Variants in ATRNL1 observed in about 807,000 individuals in gnomAD.
ATRNL1 encodes attractin like 1, also known as attractin-like protein 1.
ATRNL1 carries 95 observed loss-of-function variants against 182.7 expected under a neutral mutation model. That is an observed-to-expected ratio of 0.52 (90% CI 0.44 to 0.62). The LOEUF (loss-of-function observed/expected upper bound fraction) is 0.62, where lower values mean the gene tolerates loss of function less well. Among genes scored for constraint, ATRNL1 ranks in the 20% least tolerant of loss-of-function variants. The probability of loss-of-function intolerance (pLI) is 0.00; values close to 1 mark genes in which losing one functional copy is unlikely to be tolerated. For missense variants in ATRNL1, 1,471 were observed against 1,679.5 expected, an observed-to-expected ratio of 0.88 and a Z score of 2.17; for synonymous variants, 576 against 568.3, an observed-to-expected ratio of 1.01 and a Z score of -0.19.
intron 8 of ATRNL1, among the ~76,000 whole-genome samples, chr10:115,176,802 T>A (rs1554886785): frequency 2.0e-5 from 3 of 152,146 alleles, no homozygotes; most frequent in African/African-American, 4.8e-5. Flanking sequence ...AGGTACTCTT[T>A]TTTTAAAAAA....
At chr10:115,352,078 CCA>C (rs1856284812) in intron 19 of ATRNL1, among the ~76,000 whole-genome samples, 1 of 151,848 alleles carries the variant, frequency 6.6e-6, no homozygotes, top group Admixed American at 6.6e-5. Context: ...TACTTGTCTC[CCA>C]GGCTTTACAA....
intron 27 of ATRNL1, among the ~76,000 whole-genome samples, chr10:115,801,488 C>T (rs1949791360): frequency 6.6e-6 from 1 of 152,086 alleles, no homozygotes; most frequent in African/African-American, 2.4e-5. Context: ...CCTTTATTTG[C>T]AATAAAAATA....
intron 13 of ATRNL1, among the ~76,000 whole-genome samples, chr10:115,271,953 G>T (rs782575894): frequency 6.6e-6 from 1 of 152,138 alleles, no homozygotes; most frequent in Non-Finnish European, 1.5e-5. Flanking sequence ...TGGGCCACCC[G>T]CTTGTTGATA....
At chr10:115,105,802 G>T (rs984093255) in intron 1 of ATRNL1, among the ~76,000 whole-genome samples, 1 of 152,210 alleles carries the variant, frequency 6.6e-6, no homozygotes, top group Non-Finnish European at 1.5e-5. Context: ...GGGAACCTCT[G>T]TCTGCATTTC....
chr10:115,680,834 C>G (rs1344626267), intron 26 of ATRNL1, among the ~76,000 whole-genome samples: 2 of 152,026 alleles, frequency 1.3e-5, no homozygotes, highest in African/African-American at 4.8e-5. Context: ...TGAAGTGTAT[C>G]CTTGAGCTTT....
intron 26 of ATRNL1, among the ~76,000 whole-genome samples, chr10:115,559,437 TGTGTGTGC>T (rs1182690380): frequency 1.9e-5 from 2 of 107,880 alleles, no homozygotes; most frequent in African/African-American, 6.9e-5. Context: ...TGTGTGTGTG[TGTGTGTGC>T]GCGCGCGCAC....
At chr10:115,908,640 G>A (rs544097881) in intron 28 of ATRNL1, among the ~76,000 whole-genome samples, 1 of 152,212 alleles carries the variant, frequency 6.6e-6, no homozygotes, top group East Asian at 1.9e-4. Context: ...CATCCTTGAG[G>A]GGCCATTATT....
chr10:115,790,889 G>T (rs1349428254), intron 27 of ATRNL1, among the ~76,000 whole-genome samples: 1 of 152,094 alleles, frequency 6.6e-6, no homozygotes, highest in African/African-American at 2.4e-5. Flanking sequence ...ATGTTCGGGG[G>T]TTTTTAAATG....
At chr10:115,530,890 G>C in intron 25 of ATRNL1, among the ~76,000 whole-genome samples, 1 of 148,292 alleles carries the variant, frequency 6.7e-6, no homozygotes, top group Non-Finnish European at 1.5e-5. Flanking sequence ...TTGGTTTTTT[G>C]TCCTTGCGAT....
chr10:115,744,259 T>C (rs965518818), intron 27 of ATRNL1, among the ~76,000 whole-genome samples: 1 of 152,148 alleles, frequency 6.6e-6, no homozygotes, highest in Non-Finnish European at 1.5e-5. Context: ...TTATTAAAAG[T>C]ACATTAAATT....
intron 27 of ATRNL1, among the ~76,000 whole-genome samples, chr10:115,772,466 T>A (rs1949015550): frequency 6.6e-6 from 1 of 152,022 alleles, no homozygotes; most frequent in African/African-American, 2.4e-5. Flanking sequence ...AGCTCAAAAA[T>A]GAAAAAGATT....
chr10:115,936,010 C>G (rs147076077), intron 28 of ATRNL1, among the ~76,000 whole-genome samples: 28 of 152,280 alleles, frequency 1.8e-4, no homozygotes, highest in Non-Finnish European at 2.8e-4. Context: ...TGATGTTGCT[C>G]TAAATTGACA....
chr10:115,632,746 G>A (rs984279785), intron 26 of ATRNL1, among the ~76,000 whole-genome samples: 5 of 152,048 alleles, frequency 3.3e-5, no homozygotes, highest in African/African-American at 4.8e-5. Flanking sequence ...AGAGACTGGT[G>A]AGATTATCAC....
At chr10:115,847,516 A>G (rs1015629008) in intron 27 of ATRNL1, among the ~76,000 whole-genome samples, 3 of 152,166 alleles carry the variant, frequency 2.0e-5, no homozygotes, top group Non-Finnish European at 4.4e-5. Context: ...CCCTATAGAC[A>G]GTAAAAATAA....
chr10:115,402,259 A>G (rs1360548745), intron 20 of ATRNL1, among the ~76,000 whole-genome samples: 2 of 152,170 alleles, frequency 1.3e-5, no homozygotes, highest in African/African-American at 2.4e-5. Flanking sequence ...TTTTTCACCT[A>G]CTTAAACATC....
At chr10:115,431,976 T>C (rs1442690976) in intron 21 of ATRNL1, among the ~76,000 whole-genome samples, 1 of 152,138 alleles carries the variant, frequency 6.6e-6, no homozygotes, top group Non-Finnish European at 1.5e-5. Flanking sequence ...TGTTTAACCC[T>C]TTTATAAAAA....
chr10:115,500,987 G>T (rs1849805361), intron 24 of ATRNL1, among the ~76,000 whole-genome samples: 2 of 124,972 alleles, frequency 1.6e-5, no homozygotes, highest in South Asian at 2.6e-4. Flanking sequence ...GGAGTGCAAT[G>T]GTGCGAGCTC....
chr10:115,562,608 G>A (rs375570847), intron 26 of ATRNL1, among the ~76,000 whole-genome samples: 60 of 152,216 alleles, frequency 3.9e-4, no homozygotes, highest in African/African-American at 1.1e-3. Context: ...CATGAGGGCC[G>A]TTTCCCCCAT....
chr10:115,389,420 G>T (rs1194605415), intron 19 of ATRNL1, among the ~76,000 whole-genome samples: 1 of 150,082 alleles, frequency 6.7e-6, no homozygotes, highest in Admixed American at 6.6e-5. Context: ...GGCTGAGGCA[G>T]GAGAATTGCT....
Sources: allele counts gnomAD v4.1 joint callset (sites outside exome capture counted in the v4.1 genomes callset), GRCh38; gene constraint gnomAD v4.1.1; transcripts MANE v1.5; gene names NCBI Gene and HGNC (gene_info 2026-07-23, HGNC 2026-07-21).